The following ZBTB18 variants were observed in gnomAD, a reference collection of about 807,000 sequenced individuals.
ZBTB18 encodes zinc finger and BTB domain-containing protein 18.
ZBTB18 carries 2 observed loss-of-function variants against 37.7 expected under a neutral mutation model. The ratio of observed to expected loss-of-function variants is 0.05; its 90% CI spans 0.02 to 0.17. ZBTB18 has a LOEUF of 0.17. Among genes scored for constraint, ZBTB18 ranks in the 10% least tolerant of loss-of-function variants. The pLI is 1.00. For missense variants in ZBTB18, 408 were observed against 686.3 expected (o/e 0.59, Z 4.53); for synonymous variants, 304 against 276.5 (o/e 1.10, Z -0.99).
At chr1:244,048,624 G>GCC (rs1698279853), upstream of ZBTB18, among the ~76,000 whole-genome samples, 1 of 55,614 alleles carries the variant, frequency 1.8e-5, no homozygotes, top group South Asian at 6.1e-4. Flanking sequence ...CCTCCCCCGC[G>GCC]CCCGCCCCCC....
rs759828121 is a variant in ZBTB18 at position 244,054,892 on chromosome 1, G to C, written c.1118G>C (p.Ser373Thr). 6.8e-6 allele frequency: 11 copies of C among 1,614,140 alleles called. No individual in the cohort carries two copies. The highest frequency in any genetic ancestry group is 7.6e-6 in the Non-Finnish European group (9 of 1,180,002). ...CTCCCCTACGTCTCCAACATCCTGA[G>C]CCCCGCGGGCCAGATCTTCATGTGC... The part of the protein sequence containing the change: ...SLLPYVSNIL[S>T]PAGQIFMCPL... The change falls in exon 2 of 2, where the codon AGC becomes ACC. Residue 373 changes from serine (S) to threonine (T), a missense_variant. This residue lies in a region of ZBTB18 where 266 missense variants were observed against 312.0 expected (regional missense o/e 0.85). Transcript: ENST00000358704. The surrounding 1 kb of genome is among the most constrained non-coding windows in gnomAD (Gnocchi z 9.0).
chr1:244,055,145 G>A lies in ZBTB18; in HGVS notation c.1371G>A (p.Gln457=), dbSNP rs774852214. ...YTCTQCGKSF[Q]YSHNLSRHAV... ...GCACCCAGTGCGGCAAGAGCTTCCA[G>A]TACTCGCACAACCTGAGCCGCCATG... The change falls in exon 2 of 2, where the codon CAG becomes CAA. Residue 457 remains glutamine, a synonymous_variant. Transcript: ENST00000358704. This position sits in a 1 kb window ranked among gnomAD's most constrained non-coding sequence, Gnocchi z 7.0. 9.3e-6 allele frequency: 15 copies of A among 1,614,006 alleles called. No homozygotes were observed. Among genetic ancestry groups the A allele is most frequent in the Admixed American group, 3.3e-5 (2 of 60,008 alleles).
chr1:244,053,486 T>C lies in ZBTB18; in HGVS notation c.14-302T>C, dbSNP rs1456920805. Reference sequence around the variant, plus strand: ...AATTAAATTTCTTCTGGAAGAGATCTAAATTCTTATTCTTAGTGAGAGACT... The same window carrying C: ...AATTAAATTTCTTCTGGAAGAGATCCAAATTCTTATTCTTAGTGAGAGACT... On this transcript the variant is annotated intron_variant, in intron 1 of 1. Coordinates refer to ENST00000358704, the MANE Select transcript of ZBTB18 (RefSeq NM_205768.3). The surrounding 1 kb of genome is among the most constrained non-coding windows in gnomAD (Gnocchi z 5.2). 6.6e-6 allele frequency among the ~76,000 whole-genome samples: 1 copy of C among 151,846 alleles called. No homozygotes were observed. Among genetic ancestry groups the C allele is most frequent in the Non-Finnish European group, 1.5e-5 (1 of 68,010 alleles).
rs1491498008 is a variant in ZBTB18, at chr1:244,053,264, AAT to A, written c.14-523_14-522del. ...TCATTTTTTTTTCTTGATTCAGCCA[AAT>A]GTGTGTGTGTGTGTTTAAACTGTGC... is the stretch of plus-strand genomic sequence containing the variant. On this transcript the variant is annotated intron_variant, in intron 1 of 1. Coordinates refer to ENST00000358704, the MANE Select transcript of ZBTB18 (RefSeq NM_205768.3). This position sits in a 1 kb window ranked among gnomAD's most constrained non-coding sequence, Gnocchi z 5.2. 6.6e-6 allele frequency among the ~76,000 whole-genome samples: 1 copy of A among 151,768 alleles called. No individual in the cohort carries two copies. Among genetic ancestry groups the A allele is most frequent in the African/African-American group, 2.4e-5 (1 of 41,354 alleles).
Position 244,053,212 on chromosome 1 carries a change from G to A in ZBTB18, c.14-576G>A, listed in dbSNP as rs143553461. On this transcript the variant is annotated intron_variant, in intron 1 of 1. Coordinates refer to ENST00000358704, the MANE Select transcript of ZBTB18 (RefSeq NM_205768.3). This position sits in a 1 kb window ranked among gnomAD's most constrained non-coding sequence, Gnocchi z 5.2. ...CCCTGACTTTAAAAGTAAGTTGTTT[G>A]CTAATTTCTGGACTAATTATGCAAT... 0.01 allele frequency among the ~76,000 whole-genome samples: 1,587 copies of A among 152,200 alleles called. 30 individuals carry two copies. The highest frequency in any genetic ancestry group is 0.034 in the African/African-American group (1,420 of 41,530).
rs1171257180 is a variant in ZBTB18 at position 244,054,852 on chromosome 1, A to G, written c.1078A>G (p.Met360Val). 6.2e-7 allele frequency: 1 copy of G among 1,614,132 alleles called. No individual in the cohort carries two copies. The highest frequency in any genetic ancestry group is 8.5e-7 in the Non-Finnish European group (1 of 1,180,028). ...ESERVQVEGG[M>V]ESSLLPYVSN... ...CGAGCGTGTCCAGGTGGAGGGAGGCATGGAGAGCAGTCTGCTCCCCTACGT... is the reference window on the plus strand; with the variant it reads ...CGAGCGTGTCCAGGTGGAGGGAGGCGTGGAGAGCAGTCTGCTCCCCTACGT... The change falls in exon 2 of 2, where the codon ATG becomes GTG. Residue 360 changes from methionine to valine, a missense_variant. Transcript: ENST00000358704. This position sits in a 1 kb window ranked among gnomAD's most constrained non-coding sequence, Gnocchi z 9.0.
Position 244,055,676 on chromosome 1 carries a change from A to G in ZBTB18, c.*306A>G, listed in dbSNP as rs1159384828. ...TTTCATATGGCTTAATTTTGTCAAC[A>G]CTGCATTGTCTTTTGAGCTCTTTTT... On this transcript the variant is annotated 3_prime_UTR_variant, in exon 2 of 2. Coordinates refer to ENST00000358704, the MANE Select transcript of ZBTB18 (RefSeq NM_205768.3). This position sits in a 1 kb window ranked among gnomAD's most constrained non-coding sequence, Gnocchi z 7.0. 1 of 166,008 alleles carries G rather than the reference A, an allele frequency of 6.0e-6. No homozygotes were observed. Among genetic ancestry groups the G allele is most frequent in the African/African-American group, 2.4e-5 (1 of 41,180 alleles). 10.3% of individuals were successfully genotyped at this position (166,008 alleles called of 1,614,324 possible).
chr1:244,048,519 C>G (rs954514226), upstream of ZBTB18, among the ~76,000 whole-genome samples: 10 of 149,944 alleles, frequency 6.7e-5, no homozygotes, highest in Non-Finnish European at 8.9e-5. Flanking sequence ...GGGAGGGAGG[C>G]AGGGGAAGGA....
At chr1:244,051,964 A>C (rs1698364788) in intron 1 of ZBTB18, among the ~76,000 whole-genome samples, 1 of 152,330 alleles carries the variant, frequency 6.6e-6, no homozygotes. Context: ...AGAAAAAAAA[A>C]CCAAACTTTT....
At chr1:244,048,775 C>G (rs1698286596), upstream of ZBTB18, among the ~76,000 whole-genome samples, 1 of 142,808 alleles carries the variant, frequency 7.0e-6, no homozygotes, top group Admixed American at 6.9e-5. Context: ...TTCGCTCCGC[C>G]GCGCTCCTCC....
At chr1:244,050,104 A>T (rs1315173081), upstream of ZBTB18, among the ~76,000 whole-genome samples, 1 of 152,240 alleles carries the variant, frequency 6.6e-6, no homozygotes, top group Non-Finnish European at 1.5e-5. Flanking sequence ...AGCGAGAAGG[A>T]CAGGACGGAG....
chr1:244,056,069 A>T lies in ZBTB18; in HGVS notation c.*699A>T, dbSNP rs994139839. Reference sequence around the variant, plus strand: ...AAAATGTGAATTACTGTTATTGTATACTGTAATTGATTACATGGGCTGGGG... The same window carrying T: ...AAAATGTGAATTACTGTTATTGTATTCTGTAATTGATTACATGGGCTGGGG... On this transcript the variant is annotated 3_prime_UTR_variant, in exon 2 of 2. Transcript: ENST00000358704. 1 of 167,086 alleles carries T rather than the reference A, an allele frequency of 6.0e-6. No individual in the cohort carries two copies. Among genetic ancestry groups the T allele is most frequent in the Non-Finnish European group, 1.5e-5 (1 of 68,124 alleles). 10.4% of individuals were successfully genotyped at this position (167,086 alleles called of 1,614,324 possible). A position where few individuals can be genotyped will look rare whatever the true frequency, so the allele number is the denominator to read the frequency against.
chr1:244,056,547 C>T lies in ZBTB18; in HGVS notation c.*1177C>T, dbSNP rs897028582. ...AGGTGTACACATTTACCCAGTTGAGCGTTCTTAGAATAACTACTGCACAAG... is the reference window on the plus strand; with the variant it reads ...AGGTGTACACATTTACCCAGTTGAGTGTTCTTAGAATAACTACTGCACAAG... On this transcript the variant is annotated 3_prime_UTR_variant, in exon 2 of 2. Coordinates refer to ENST00000358704, the MANE Select transcript of ZBTB18 (RefSeq NM_205768.3). 9 of 167,060 alleles carry T rather than the reference C, an allele frequency of 5.4e-5. No individual in the cohort carries two copies. Among genetic ancestry groups the T allele is most frequent in the Non-Finnish European group, 7.3e-5 (5 of 68,116 alleles). 10.3% of individuals were successfully genotyped at this position (167,060 alleles called of 1,614,324 possible). A position where few individuals can be genotyped will look rare whatever the true frequency, so the allele number is the denominator to read the frequency against.
upstream of ZBTB18, among the ~76,000 whole-genome samples, chr1:244,049,483 C>G (rs1698305385): frequency 6.6e-6 from 1 of 151,038 alleles, no homozygotes; most frequent in Admixed American, 6.6e-5. Flanking sequence ...GGGGCCCTCC[C>G]GGGCTGGTGC....
rs998498504 is a variant in ZBTB18 at position 244,055,485 on chromosome 1, T to C, written c.*115T>C. On this transcript the variant is annotated 3_prime_UTR_variant, in exon 2 of 2. Transcript: ENST00000358704. This position sits in a 1 kb window ranked among gnomAD's most constrained non-coding sequence, Gnocchi z 7.0. The stretch of plus-strand genomic sequence containing the variant: ...TTCCTGGAAATAAAAAGTTGGGATA[T>C]TAACTTGTTTTTGCACTTTAGAATA... The C allele has an allele frequency of 9.3e-6, 3 of 322,724 alleles. No homozygotes were observed. The highest frequency in any genetic ancestry group is 6.7e-5 in the African/African-American group (3 of 44,970). The allele number at this position is 322,724 out of a possible 1,614,324, so 20.0% of individuals were successfully genotyped here.
chr1:244,048,805 C>A (rs1374395690), upstream of ZBTB18: 3 of 59,570 alleles, frequency 5.0e-5, no homozygotes, highest in Non-Finnish European at 7.6e-5. Flanking sequence ...CGGGGGTGGG[C>A]GGGAGGGAGG....
Position 244,054,778 on chromosome 1 carries a change from T to G in ZBTB18, c.1004T>G (p.Leu335Arg). Residue 335 changes from leucine (L) to arginine (R), a missense_variant, in exon 2 of 2, where the codon CTG (leucine) becomes CGG (arginine). Transcript: ENST00000358704. This position sits in a 1 kb window ranked among gnomAD's most constrained non-coding sequence, Gnocchi z 9.0. Reference protein sequence around the residue: ...PLREDSVLRELDREDKASDDE... With the variant: ...PLREDSVLRERDREDKASDDE... ...AGGGAGGACTCGGTCTTGAGGGAGCTGGACCGGGAGGACAAAGCCAGTGAT... is the reference window on the plus strand; with the variant it reads ...AGGGAGGACTCGGTCTTGAGGGAGCGGGACCGGGAGGACAAAGCCAGTGAT... The G allele has an allele frequency of 1.2e-6, 2 of 1,614,008 alleles. No individual in the cohort carries two copies. The highest frequency in any genetic ancestry group is 1.7e-6 in the Non-Finnish European group (2 of 1,179,992).
chr1:244,055,280 G>T lies in ZBTB18; in HGVS notation c.1506G>T (p.Val502=). 6.2e-7 allele frequency: 1 copy of T among 1,613,884 alleles called. No individual in the cohort carries two copies. The highest frequency in any genetic ancestry group is 8.5e-7 in the Non-Finnish European group (1 of 1,179,954). Residue 502 remains valine (V), a synonymous_variant, in exon 2 of 2, where the codon GTG becomes GTT. Coordinates refer to ENST00000358704, the MANE Select transcript of ZBTB18 (RefSeq NM_205768.3). The surrounding 1 kb of genome is among the most constrained non-coding windows in gnomAD (Gnocchi z 7.0). ...TTCGCAAGTTCCACTGTGAGTTGGT[G>T]AACTCCTTGTCGGTCAAAAGCGAAG... ...RHIRKFHCEL[V]NSLSVKSEAL... is the part of the protein sequence containing the mutation.
At position 244,053,891 on chromosome 1, in the gene ZBTB18, G is replaced by T. The variant is rs1452653214; in HGVS notation, c.117G>T (p.Val39=). The part of the protein sequence containing the change: ...QGFLCDCTVL[V]GDAQFRAHRA... ...TTCTTTGTGACTGCACTGTTCTGGT[G>T]GGAGATGCCCAGTTCCGAGCGCACC... is the stretch of plus-strand genomic sequence containing the variant. Residue 39 remains valine (V), a synonymous_variant, in exon 2 of 2, where the codon GTG becomes GTT. Transcript: ENST00000358704. This position sits in a 1 kb window ranked among gnomAD's most constrained non-coding sequence, Gnocchi z 5.2. 1 of 1,614,132 alleles carries T rather than the reference G, an allele frequency of 6.2e-7. No individual in the cohort carries two copies. Among genetic ancestry groups the T allele is most frequent in the African/African-American group, 1.3e-5 (1 of 75,030 alleles).
Sources: allele counts gnomAD v4.1 joint callset (sites outside exome capture counted in the v4.1 genomes callset), GRCh38; gene constraint gnomAD v4.1.1; regional missense constraint gnomAD v4.1.1; non-coding constraint Gnocchi (gnomAD v3.1); transcripts MANE v1.5; gene names NCBI Gene and HGNC (gene_info 2026-07-23, HGNC 2026-07-21).